The following SYT12 variants were observed in gnomAD, a reference collection of about 807,000 sequenced individuals.
The protein encoded by SYT12 is synaptotagmin-12.
A neutral mutation model predicts 39.5 loss-of-function variants in SYT12; 27 were observed. That is an observed-to-expected ratio of 0.68 (90% CI 0.50 to 0.94). The LOEUF (loss-of-function observed/expected upper bound fraction) is 0.94, where lower values mean the gene tolerates loss of function less well. Ranked by LOEUF, SYT12 falls within the 40% of genes least tolerant of loss-of-function variation. The pLI, the probability that SYT12 is intolerant of heterozygous loss-of-function variation, is 0.00. For missense variants in SYT12, 536 were observed against 572.6 expected, an observed-to-expected ratio of 0.94 and a Z score of 0.65; for synonymous variants, 233 against 239.7, an observed-to-expected ratio of 0.97 and a Z score of 0.26.
rs957674382 is a variant in SYT12, at chr11:67,035,454, TTTTC to T, written c.228+620_228+623del. On this transcript the variant is annotated intron_variant, in intron 3 of 7. Transcript: ENST00000527043. Reference sequence around the variant, plus strand: ...TTTTTTCTTTTTCTTTTTCTTTTTCTTTTCTTTTTTTTTTTTTTTTTGAGACGGA... The same window carrying T: ...TTTTTTCTTTTTCTTTTTCTTTTTCTTTTTTTTTTTTTTTTTTGAGACGGA... Among the ~76,000 whole-genome samples the T allele has an allele frequency of 2.8e-4, 39 of 138,618 alleles. 1 individual carries two copies. Among genetic ancestry groups the T allele is most frequent in the East Asian group, 1.7e-3 (8 of 4,648 alleles). 90.9% of individuals were successfully genotyped at this position (138,618 alleles called of 152,430 possible). A position where few individuals can be genotyped will look rare whatever the true frequency, so the allele number is the denominator to read the frequency against.
At chr11:67,020,981 G>A (rs1212959976), upstream of SYT12, among the ~76,000 whole-genome samples, 3 of 151,940 alleles carry the variant, frequency 2.0e-5, no homozygotes, top group Non-Finnish European at 2.9e-5. Context: ...TACCTGCCTC[G>A]GCCTCCCAAA....
chr11:67,039,739 C>G, intron 3 of SYT12, 72 bp from the exon 4 acceptor site: 2 of 1,519,886 alleles, frequency 1.3e-6, no homozygotes, highest in South Asian at 2.5e-5. Context: ...CCTTACTCAT[C>G]TCTTTGCCGT....
chr11:67,035,833 CCTTCCTTT>C (rs1450580382), intron 3 of SYT12, among the ~76,000 whole-genome samples: 76 of 102,462 alleles, frequency 7.4e-4, no homozygotes, highest in African/African-American at 2.3e-3. Flanking sequence ...TTCCTTCCTT[CCTTCCTTT>C]CTTTCTTTCT....
intron 3 of SYT12, among the ~76,000 whole-genome samples, chr11:67,013,538 C>T (rs754234077): frequency 6.6e-6 from 1 of 152,208 alleles, no homozygotes; most frequent in Admixed American, 6.5e-5. Flanking sequence ...GCCTTTAGTC[C>T]TTGAGCCCAT....
rs140991597 is a variant in SYT12 at position 67,043,798 on chromosome 11, T to G, written c.782T>G (p.Leu261Arg). 2 of 1,614,152 alleles carry G rather than the reference T, an allele frequency of 1.2e-6. No individual in the cohort carries two copies. The highest frequency in any genetic ancestry group is 2.2e-5 in the South Asian group (2 of 91,082). ...TGVVELKLSV[L>R]DLPLQPFSGW... is the part of the protein sequence containing the mutation. ...GTGGTGGAGCTGAAGCTTTCTGTGC[T>G]TGACCTCCCGCTGCAGCCCTTCAGT... The change falls in exon 5 of 8, where the codon CTT becomes CGT. Residue 261 changes from leucine (L) to arginine (R), a missense_variant. Physicochemically the swap from Leu to Arg is moderately radical, Grantham distance 102. Coordinates refer to ENST00000527043, the MANE Select transcript of SYT12 (RefSeq NM_177963.4).
At chr11:67,048,097 C>G (rs900510378) in intron 7 of SYT12, among the ~76,000 whole-genome samples, 1 of 150,982 alleles carries the variant, frequency 6.6e-6, no homozygotes, top group South Asian at 2.1e-4. Context: ...GGCCGAAACC[C>G]CCATCTCTAC....
chr11:67,014,982 G>A (rs187678036), intron 3 of SYT12, among the ~76,000 whole-genome samples: 191 of 152,144 alleles, frequency 1.3e-3, no homozygotes, highest in Non-Finnish European at 2.3e-3. Flanking sequence ...CGTAGCTCCC[G>A]CCACAAACTA....
intron 1 of SYT12, among the ~76,000 whole-genome samples, chr11:67,025,344 A>G (rs1485340812): frequency 5.3e-5 from 8 of 152,222 alleles, no homozygotes; most frequent in Non-Finnish European, 7.3e-5. Flanking sequence ...GCTGTTTTCA[A>G]TGAGTAAGCT....
chr11:67,040,342 T>C, intron 4 of SYT12, 139 bp downstream of exon 4: 1 of 1,244,886 alleles, frequency 8.0e-7, no homozygotes, highest in Non-Finnish European at 1.1e-6. Context: ...GAGCTGAAGC[T>C]TCAGACTGTA....
chr11:67,042,166 A>T (rs2136228307), intron 4 of SYT12, among the ~76,000 whole-genome samples: 1 of 152,234 alleles, frequency 6.6e-6, no homozygotes, highest in African/African-American at 2.4e-5. Context: ...TGGTTAAGTC[A>T]GTTTAGTACC....
intron 7 of SYT12, 132 bp downstream of exon 7, chr11:67,046,009 T>TA: frequency 8.2e-7 from 1 of 1,222,352 alleles, no homozygotes. Context: ...TTCTAGCAGT[T>TA]ATTGAGTGCC....
intron 2 of SYT12, among the ~76,000 whole-genome samples, chr11:67,033,913 G>T (rs1159435594): frequency 6.6e-6 from 1 of 152,268 alleles, no homozygotes; most frequent in Non-Finnish European, 1.5e-5. Context: ...GTTTTCGGGG[G>T]CAGCAAGGCT....
intron 1 of SYT12, among the ~76,000 whole-genome samples, chr11:67,023,799 C>G (rs1950144449): frequency 6.6e-6 from 1 of 152,250 alleles, no homozygotes; most frequent in African/African-American, 2.4e-5. Context: ...CTCACTGTCC[C>G]TGCTCTGGCT....
chr11:67,010,115 A>G (rs1283097195), exon 2 of SYT12: 1 of 152,366 alleles, frequency 6.6e-6, no homozygotes, highest in Non-Finnish European at 1.5e-5. Flanking sequence ...AAGAAGCTGA[A>G]GTGACAGGTG....
intron 1 of SYT12, chr11:67,027,708 T>C (rs917234216): frequency 6.6e-6 from 1 of 152,296 alleles, no homozygotes; most frequent in African/African-American, 2.4e-5. Context: ...CAGATGCAGC[T>C]TGAGGCTTTG....
chr11:67,046,294 G>A (rs115372111), intron 7 of SYT12, among the ~76,000 whole-genome samples: 10 of 152,278 alleles, frequency 6.6e-5, no homozygotes, highest in African/African-American at 2.4e-4. Context: ...CCAGGTTCGC[G>A]TGGTCTTCAG....
intron 6 of SYT12, among the ~76,000 whole-genome samples, chr11:67,045,170 A>G (rs1950592123): frequency 6.6e-6 from 1 of 151,754 alleles, no homozygotes; most frequent in Admixed American, 6.6e-5. Flanking sequence ...TTAGGTCTGC[A>G]GGAGTCCCCA....
chr11:67,045,856 G>T lies in SYT12; in HGVS notation c.1071G>T (p.Ser357=), dbSNP rs772111721. The T allele has an allele frequency of 7.4e-6, 12 of 1,613,784 alleles. No individual in the cohort carries two copies. The highest frequency in any genetic ancestry group is 1.0e-5 in the Non-Finnish European group (12 of 1,179,846). Residue 357 remains serine (S), a synonymous_variant, in exon 7 of 8, where the codon TCG becomes TCT. Coordinates refer to ENST00000527043, the MANE Select transcript of SYT12 (RefSeq NM_177963.4). ...NPVFNEAMIF[S]VPAIVLQDLS... ...TGTTCAACGAAGCCATGATCTTCTC[G>T]GTGCCAGCCATTGTGCTCCAGGTGA...
rs745740882 is a variant in SYT12, at chr11:67,039,827, A to T, written c.245A>T (p.Asn82Ile). 6.2e-7 allele frequency: 1 copy of T among 1,610,922 alleles called. No homozygotes were observed. The highest frequency in any genetic ancestry group is 8.5e-7 in the Non-Finnish European group (1 of 1,179,406). The change falls in exon 4 of 8, where the codon AAT becomes ATT. Residue 82 changes from asparagine to isoleucine, a missense_variant. Coordinates refer to ENST00000527043, the MANE Select transcript of SYT12 (RefSeq NM_177963.4). ...CACCCCTAGAGAGTGCCTGCCTGGA[A>T]TGCCCAGCGGGCCAGCACGCGGGGA... The part of the protein sequence containing the change: ...EAREKRVPAW[N>I]AQRASTRGPP...
Sources: allele counts gnomAD v4.1 joint callset (sites outside exome capture counted in the v4.1 genomes callset), GRCh38; gene constraint gnomAD v4.1.1; transcripts MANE v1.5; gene names NCBI Gene and HGNC (gene_info 2026-07-23, HGNC 2026-07-21).